Variants in VPS52 observed in about 807,000 individuals in gnomAD.
VPS52 encodes VPS52 subunit of GARP complex.
A neutral mutation model predicts 98.7 loss-of-function variants in VPS52; 56 were observed. That is an observed-to-expected ratio of 0.57 (90% confidence interval 0.46 to 0.71). The LOEUF is 0.71. Among genes scored for constraint, VPS52 ranks in the 30% least tolerant of loss-of-function variants. The probability of loss-of-function intolerance (pLI) is 0.00; values close to 1 mark genes in which losing one functional copy is unlikely to be tolerated. For synonymous variants in VPS52, 348 were observed against 346.4 expected (o/e 1.00, Z -0.05); for missense variants, 742 against 925.9 (o/e 0.80, Z 2.58).
chr6:33,269,588 G>A, intron 4 of VPS52, 31 bp from the exon 5 acceptor site: 1 of 1,599,184 alleles, frequency 6.3e-7, no homozygotes, highest in East Asian at 2.2e-5. Flanking sequence ...GGGCCTCATG[G>A]TGAAGATGGG....
rs765132059 is a variant in VPS52, at chr6:33,267,299, G to T, written c.1014C>A (p.Leu338=). 1 of 1,597,676 alleles carries T rather than the reference G, an allele frequency of 6.3e-7. No individual in the cohort carries two copies. Among genetic ancestry groups the T allele is most frequent in the South Asian group, 1.1e-5 (1 of 88,456 alleles). ...AKKGFFSKPS[L]RSRNTIFTLG... ...GGGTGAAAATGGTGTTCCTGCTGCG[G>T]AGCGATGGCTTTGAGAAGAATCGTA... Residue 338 remains leucine, a synonymous_variant, in exon 11 of 20, where the codon CTC becomes CTA. Coordinates refer to ENST00000445902, the MANE Select transcript of VPS52 (RefSeq NM_022553.6). This position sits in a 1 kb window ranked among gnomAD's most constrained non-coding sequence, Gnocchi z 4.2.
intron 17 of VPS52, among the ~76,000 whole-genome samples, chr6:33,255,724 C>T (rs945208967): frequency 4.7e-5 from 7 of 148,238 alleles, no homozygotes; most frequent in Non-Finnish European, 8.9e-5. Flanking sequence ...ACCCGGGAGG[C>T]GGAGCTTGCA....
At chr6:33,269,293 G>A in intron 5 of VPS52, 104 bp from the exon 6 acceptor site, 1 of 1,514,464 alleles carries the variant, frequency 6.6e-7, no homozygotes. Flanking sequence ...AGTCCTTGAG[G>A]GTGGCAGATG....
chr6:33,257,681 G>T (rs1196685238), intron 17 of VPS52, among the ~76,000 whole-genome samples: 1 of 152,214 alleles, frequency 6.6e-6, no homozygotes, highest in Non-Finnish European at 1.5e-5. Flanking sequence ...TTACAGGCGT[G>T]AGCCACCACA....
chr6:33,266,784 G>A (rs1447577538), intron 11 of VPS52, 72 bp from the exon 12 acceptor site: 7 of 1,528,262 alleles, frequency 4.6e-6, no homozygotes, highest in Non-Finnish European at 6.2e-6. Context: ...GGATATGGCT[G>A]GAAAATCAGT....
At chr6:33,251,331 G>A (rs1762205941) in intron 19 of VPS52, among the ~76,000 whole-genome samples, 187 bp downstream of exon 19, 1 of 151,304 alleles carries the variant, frequency 6.6e-6, no homozygotes, top group Admixed American at 6.6e-5. Flanking sequence ...AACAGAGCTA[G>A]ACTCTGTCTC....
At chr6:33,251,477 A>G (rs767655947) in intron 19 of VPS52, 41 bp downstream of exon 19, 11 of 1,317,736 alleles carry the variant, frequency 8.3e-6, no homozygotes, top group Non-Finnish European at 1.2e-5. Context: ...AAAATAATTA[A>G]TGATGGGGGA....
At chr6:33,271,479 A>G in intron 1 of VPS52, 107 bp downstream of exon 1, 1 of 1,484,192 alleles carries the variant, frequency 6.7e-7, no homozygotes, top group Non-Finnish European at 9.2e-7. Flanking sequence ...AACAGGTAAT[A>G]TCACGGGTAG....
At position 33,268,002 on chromosome 6, in the gene VPS52, G is replaced by T. The variant is rs1288516087; in HGVS notation, c.801-5C>A. On this transcript the variant is annotated splice_region_variant and splice_polypyrimidine_tract_variant and intron_variant, in intron 8 of 19. Coordinates refer to ENST00000445902, the MANE Select transcript of VPS52 (RefSeq NM_022553.6). This position sits in a 1 kb window ranked among gnomAD's most constrained non-coding sequence, Gnocchi z 4.0. ...AGCAGAAACTGATAGAAGAACCTAG[G>T]GGGTCAGGAACATGTCAGTCTACCT... The T allele has an allele frequency of 6.2e-7, 1 of 1,612,992 alleles. No individual in the cohort carries two copies. The highest frequency in any genetic ancestry group is 2.2e-5 in the East Asian group (1 of 44,890).
At chr6:33,265,073 CTTTT>C (rs760373159) in intron 12 of VPS52, among the ~76,000 whole-genome samples, 173 bp from the exon 13 acceptor site, 51 of 151,186 alleles carry the variant, frequency 3.4e-4, no homozygotes, top group South Asian at 1.0e-3. Context: ...ATGTTTTTGG[CTTTT>C]TTTTTGTTTT....
intron 18 of VPS52, 55 bp from the exon 19 acceptor site, chr6:33,251,691 C>G: frequency 6.7e-7 from 1 of 1,488,742 alleles, no homozygotes; most frequent in Admixed American, 1.7e-5. Context: ...TTCAACTCCA[C>G]TAAGTTCTCC....
intron 17 of VPS52, among the ~76,000 whole-genome samples, chr6:33,254,166 C>T (rs1449125408): frequency 6.6e-6 from 1 of 151,798 alleles, no homozygotes; most frequent in Admixed American, 6.6e-5. Context: ...CCCAGCTACT[C>T]AGGGAGACTG....
intron 13 of VPS52, 110 bp from the exon 14 acceptor site, chr6:33,264,607 G>A (rs139274492): frequency 1.3e-6 from 2 of 1,533,892 alleles, no homozygotes; most frequent in African/African-American, 2.7e-5. Context: ...GTGGGGGTTG[G>A]GGGGCAGTGG....
At chr6:33,251,747 C>G in intron 18 of VPS52, 111 bp from the exon 19 acceptor site, 3 of 1,416,214 alleles carry the variant, frequency 2.1e-6, no homozygotes, top group South Asian at 2.4e-5. Context: ...TTCTGGTATT[C>G]TCTCAATCCA....
In VPS52 at chr6:33,269,030, G is replaced by A; in HGVS notation, c.532C>T (p.Pro178Ser). 2 of 1,612,328 alleles carry A rather than the reference G, an allele frequency of 1.2e-6. No individual in the cohort carries two copies. The highest frequency in any genetic ancestry group is 1.7e-6 in the Non-Finnish European group (2 of 1,179,858). ...LGELVDGLVVPSALVTAILEA... is the reference protein window; with the variant it reads ...LGELVDGLVVSSALVTAILEA... Reference sequence around the variant, plus strand: ...GTAACTCACGTGACCAGAGCAGAAGGCACCACCAGACCATCAACAAGCTCC... The same window carrying A: ...GTAACTCACGTGACCAGAGCAGAAGACACCACCAGACCATCAACAAGCTCC... Residue 178 changes from proline to serine, a missense_variant, in exon 6 of 20, where the codon CCT becomes TCT. Physicochemically the swap from Pro to Ser is moderately conservative, Grantham distance 74 (BLOSUM62 -1). Around this residue, in one of 2 missense-constraint regions of VPS52, gnomAD observed 590 missense variants for 793.3 expected, o/e 0.74. Transcript: ENST00000445902.
At chr6:33,252,138 A>G (rs1320416977) in intron 17 of VPS52, among the ~76,000 whole-genome samples, 167 bp from the exon 18 acceptor site, 1 of 152,236 alleles carries the variant, frequency 6.6e-6, no homozygotes, top group Non-Finnish European at 1.5e-5. Flanking sequence ...ATTTTGGCCC[A>G]TACAGTTCCC....
Position 33,270,727 on chromosome 6 carries a change from G to A in VPS52, c.91-444C>T, listed in dbSNP as rs538669732. Among the ~76,000 whole-genome samples, 15 of 152,292 alleles carry A rather than the reference G, an allele frequency of 9.8e-5. No homozygotes were observed. The East Asian group carries it at 2.1e-3, about 22-fold the overall frequency. The stretch of plus-strand genomic sequence containing the variant: ...GCACTTTGGGAGGCCGAGGTGGGAA[G>A]ATCACGAGGTCAGGAGATCGAGACC... On this transcript the variant is annotated intron_variant, in intron 1 of 19. Transcript: ENST00000445902.
Position 33,267,338 on chromosome 6 carries a change from T to C in VPS52, c.992-17A>G. 1 of 1,556,342 alleles carries C rather than the reference T, an allele frequency of 6.4e-7. No homozygotes were observed. Among genetic ancestry groups the C allele is most frequent in the Non-Finnish European group, 8.7e-7 (1 of 1,151,588 alleles). Reference sequence around the variant, plus strand: ...AGAAGAATCGTAAGATGGGTCAGAGTCAGGGAAAACAATGAGACCATAACT... The same window carrying C: ...AGAAGAATCGTAAGATGGGTCAGAGCCAGGGAAAACAATGAGACCATAACT... On this transcript the variant is annotated splice_polypyrimidine_tract_variant and intron_variant, in intron 10 of 19. Transcript: ENST00000445902. This position sits in a 1 kb window ranked among gnomAD's most constrained non-coding sequence, Gnocchi z 4.2.
chr6:33,255,852 T>C (rs1269126946), intron 17 of VPS52, among the ~76,000 whole-genome samples: 1 of 146,272 alleles, frequency 6.8e-6, no homozygotes, highest in South Asian at 2.2e-4. Flanking sequence ...GCAGATCCCC[T>C]CAAACTCTCA....
Sources: allele counts gnomAD v4.1 joint callset (sites outside exome capture counted in the v4.1 genomes callset), GRCh38; gene constraint gnomAD v4.1.1; regional missense constraint gnomAD v4.1.1; non-coding constraint Gnocchi (gnomAD v3.1); transcripts MANE v1.5; gene names NCBI Gene and HGNC (gene_info 2026-07-23, HGNC 2026-07-21).